Variants in GNAL observed in about 807,000 individuals in gnomAD.
GNAL encodes the protein G protein subunit alpha L, also known as guanine nucleotide-binding protein G(olf) subunit alpha.
Under a neutral mutation model 55.1 loss-of-function variants are expected in GNAL, and 18 were observed. The ratio of observed to expected loss-of-function variants is 0.33; its 90% CI spans 0.23 to 0.48. GNAL has a LOEUF of 0.48. GNAL is among the 20% of genes least tolerant of loss of function. The pLI is 0.99. For missense variants in GNAL, 412 were observed against 614.1 expected (o/e 0.67, Z 3.48); for synonymous variants, 253 against 237.0 (o/e 1.07, Z -0.62).
At chr18:11,801,276 C>T (rs550589655) in intron 4 of GNAL, among the ~76,000 whole-genome samples, 79 of 152,274 alleles carry the variant, frequency 5.2e-4, no homozygotes, top group African/African-American at 1.7e-3. Flanking sequence ...GTGGGCTGGG[C>T]GCAGTGGCTC....
At chr18:11,879,218 C>A (rs1408939473) in intron 11 of GNAL, among the ~76,000 whole-genome samples, 1 of 151,612 alleles carries the variant, frequency 6.6e-6, no homozygotes, top group Admixed American at 6.6e-5. Context: ...GGTCTATCCC[C>A]GTGAGGAGTT....
At chr18:11,710,035 C>CT (rs1320099753) in intron 1 of GNAL, among the ~76,000 whole-genome samples, 1 of 152,052 alleles carries the variant, frequency 6.6e-6, no homozygotes, top group Admixed American at 6.6e-5. Context: ...TTGTTAAATG[C>CT]TTTTTTTGTA....
intron 4 of GNAL, among the ~76,000 whole-genome samples, chr18:11,823,454 G>C (rs918683871): frequency 6.6e-6 from 1 of 152,104 alleles, no homozygotes; most frequent in African/African-American, 2.4e-5. Context: ...AATCAGAATT[G>C]GATTTTCTAA....
intron 1 of GNAL, among the ~76,000 whole-genome samples, chr18:11,692,960 A>G (rs1451662801): frequency 6.6e-6 from 1 of 152,112 alleles, no homozygotes; most frequent in Non-Finnish European, 1.5e-5. Context: ...AAAGACATTA[A>G]TTGGAAATTA....
At chr18:11,871,331 A>G (rs1340069618) in intron 9 of GNAL, among the ~76,000 whole-genome samples, 1 of 149,718 alleles carries the variant, frequency 6.7e-6, no homozygotes, top group Non-Finnish European at 1.5e-5. Context: ...GCTCACCACA[A>G]CCTCCACCTC....
chr18:11,768,284 G>T (rs1170936281), intron 4 of GNAL, among the ~76,000 whole-genome samples: 1 of 152,184 alleles, frequency 6.6e-6, no homozygotes, highest in East Asian at 1.9e-4. Context: ...TTACCACTTA[G>T]TGAAGGAAAG....
intron 5 of GNAL, among the ~76,000 whole-genome samples, chr18:11,827,035 C>T (rs1370132329): frequency 6.6e-6 from 1 of 152,132 alleles, no homozygotes; most frequent in Non-Finnish European, 1.5e-5. Context: ...GGGCACAGGT[C>T]GTCCGGGCCA....
intron 10 of GNAL, among the ~76,000 whole-genome samples, chr18:11,873,350 T>C (rs367561314): frequency 5.9e-5 from 9 of 152,372 alleles, no homozygotes; most frequent in Admixed American, 5.2e-4. Context: ...TATATAAGTA[T>C]ATTCATAGTA....
intron 5 of GNAL, among the ~76,000 whole-genome samples, chr18:11,859,622 C>T (rs1008597920): frequency 5.3e-5 from 8 of 152,212 alleles, no homozygotes; most frequent in Admixed American, 5.2e-4. Flanking sequence ...TTCTGGTGCG[C>T]AGTAGCACCT....
At chr18:11,786,409 G>A (rs963431973) in intron 4 of GNAL, among the ~76,000 whole-genome samples, 18 of 146,540 alleles carry the variant, frequency 1.2e-4, no homozygotes, top group African/African-American at 1.8e-4. Context: ...CTGAAGAAGC[G>A]TGGTGGGATA....
At chr18:11,769,908 C>T (rs2033580589) in intron 4 of GNAL, among the ~76,000 whole-genome samples, 1 of 152,116 alleles carries the variant, frequency 6.6e-6, no homozygotes, top group African/African-American at 2.4e-5. Context: ...AAATGATGAA[C>T]ATTTTTTTAA....
At chr18:11,765,500 C>T (rs1466421217) in intron 4 of GNAL, among the ~76,000 whole-genome samples, 3 of 152,144 alleles carry the variant, frequency 2.0e-5, no homozygotes, top group African/African-American at 7.2e-5. Context: ...CTCCTCAATA[C>T]TGTATCTTAT....
At chr18:11,857,472 C>T (rs545934694) in intron 5 of GNAL, 486 of 984,848 alleles carry the variant, frequency 4.9e-4, no homozygotes, top group Non-Finnish European at 5.5e-4. Context: ...GGACAGACTG[C>T]AAAGGGCTGG....
At chr18:11,756,668 C>A (rs943444249) in intron 4 of GNAL, among the ~76,000 whole-genome samples, 2 of 151,962 alleles carry the variant, frequency 1.3e-5, no homozygotes, top group Non-Finnish European at 2.9e-5. Flanking sequence ...ACATTTATTT[C>A]ATAGTGCTTG....
chr18:11,789,799 C>T (rs1200565846), intron 4 of GNAL, among the ~76,000 whole-genome samples: 1 of 152,160 alleles, frequency 6.6e-6, no homozygotes, highest in Non-Finnish European at 1.5e-5. Flanking sequence ...AGAGGAAGGA[C>T]GTGAAAAGCT....
chr18:11,782,194 G>A (rs1423190308), intron 4 of GNAL, among the ~76,000 whole-genome samples: 2 of 152,172 alleles, frequency 1.3e-5, no homozygotes, highest in Non-Finnish European at 2.9e-5. Context: ...GCAGGTGCAT[G>A]TAATCCCAGC....
At chr18:11,780,018 T>C (rs2033886680) in intron 4 of GNAL, among the ~76,000 whole-genome samples, 1 of 152,222 alleles carries the variant, frequency 6.6e-6, no homozygotes, top group South Asian at 2.1e-4. Context: ...ATATATACCA[T>C]TGCAACATGC....
intron 4 of GNAL, among the ~76,000 whole-genome samples, chr18:11,810,165 T>C (rs1190197202): frequency 1.3e-5 from 2 of 152,222 alleles, no homozygotes; most frequent in African/African-American, 4.8e-5. Flanking sequence ...CCGAGACAGA[T>C]GCATTGCTTG....
chr18:11,823,904 A>G (rs62097372), intron 4 of GNAL, among the ~76,000 whole-genome samples: 33,681 of 152,128 alleles, frequency 0.22, 4,206 homozygotes, highest in East Asian at 0.35. Context: ...TATTACCAAT[A>G]TGAACTCATA....
Sources: gnomAD v4.1 joint callset for allele counts (sites outside exome capture counted in the v4.1 genomes callset) on GRCh38, gnomAD v4.1.1 for gene constraint, MANE v1.5 for transcripts, NCBI Gene and HGNC (gene_info 2026-07-23, HGNC 2026-07-21) for gene names.